Variants in SETD2 observed in about 807,000 individuals in gnomAD.
SETD2 encodes SET domain containing 2, histone lysine methyltransferase.
A neutral mutation model predicts 242.1 loss-of-function variants in SETD2; 31 were observed. The observed-to-expected ratio is 0.13, with a 90% CI of 0.10 to 0.17. The LOEUF is 0.17. Ranked by LOEUF, SETD2 falls within the 10% of genes least tolerant of loss-of-function variation. SETD2 has a pLI of 1.00. For synonymous variants in SETD2, 1,006 were observed against 1,066.5 expected, an observed-to-expected ratio of 0.94 and a Z score of 1.11; for missense variants, 2,481 against 3,046.3, an observed-to-expected ratio of 0.81 and a Z score of 4.37.
intron 12 of SETD2, among the ~76,000 whole-genome samples, chr3:47,077,248 T>C (rs2041124848): frequency 6.6e-6 from 1 of 152,062 alleles, no homozygotes; most frequent in Non-Finnish European, 1.5e-5. Context: ...CGTGCCCGGC[T>C]AATTTTTGTA....
At chr3:47,051,190 G>A (rs2039828221) in intron 15 of SETD2, among the ~76,000 whole-genome samples, 1 of 151,162 alleles carries the variant, frequency 6.6e-6, no homozygotes, top group South Asian at 2.1e-4. Flanking sequence ...CAGCAGCCTT[G>A]ACCTCCTGGG....
intron 5 of SETD2, among the ~76,000 whole-genome samples, chr3:47,113,474 C>A (rs1254604524): frequency 2.0e-5 from 3 of 152,150 alleles, no homozygotes; most frequent in African/African-American, 7.2e-5. Flanking sequence ...ACATAATAAT[C>A]ATCATTAAAC....
At chr3:47,140,332 G>A (rs1317745775) in intron 1 of SETD2, among the ~76,000 whole-genome samples, 1 of 152,110 alleles carries the variant, frequency 6.6e-6, no homozygotes, top group African/African-American at 2.4e-5. Context: ...CCCATAAGTT[G>A]GAACGTTGGG....
chr3:47,118,664 CAA>C (rs78178618), intron 3 of SETD2, among the ~76,000 whole-genome samples: 25 of 85,476 alleles, frequency 2.9e-4, no homozygotes, highest in Admixed American at 3.9e-4. Context: ...GACTCTGTCT[CAA>C]AAAAAAAAAA....
chr3:47,058,456 A>AC (rs1282597876), intron 14 of SETD2, among the ~76,000 whole-genome samples: 3 of 148,660 alleles, frequency 2.0e-5, no homozygotes, highest in Non-Finnish European at 3.0e-5. Flanking sequence ...AAAAAAAAAA[A>AC]AAAAAAAACA....
intron 1 of SETD2, among the ~76,000 whole-genome samples, chr3:47,154,317 G>C (rs1025137357): frequency 1.3e-5 from 2 of 152,058 alleles, no homozygotes; most frequent in Non-Finnish European, 2.9e-5. Context: ...GCTGAGGCAG[G>C]AGAATCGCTT....
chr3:47,032,053 A>T (rs1413812144), intron 18 of SETD2, among the ~76,000 whole-genome samples: 2 of 152,174 alleles, frequency 1.3e-5, no homozygotes, highest in Non-Finnish European at 2.9e-5. Flanking sequence ...GCCCCCTGGA[A>T]AATTCCATGG....
intron 9 of SETD2, among the ~76,000 whole-genome samples, chr3:47,089,471 C>T (rs1436710477): frequency 6.6e-6 from 1 of 152,036 alleles, no homozygotes; most frequent in Non-Finnish European, 1.5e-5. Context: ...AAGTAAGACC[C>T]AAAATGTACA....
At chr3:47,126,801 A>T in intron 1 of SETD2, 138 bp from the exon 2 acceptor site, 1 of 538,188 alleles carries the variant, frequency 1.9e-6, no homozygotes, top group Non-Finnish European at 3.3e-6. Context: ...TGGATTGTCC[A>T]TTCCTTCACA....
intron 16 of SETD2, among the ~76,000 whole-genome samples, chr3:47,046,108 C>T (rs1300026822): frequency 2.0e-5 from 3 of 151,636 alleles, no homozygotes; most frequent in Non-Finnish European, 2.9e-5. Flanking sequence ...GAGGCTGAGG[C>T]GGGTGGATCA....
At chr3:47,083,649 A>C (rs776679918) in intron 12 of SETD2, 71 bp downstream of exon 12, 111 of 1,425,420 alleles carry the variant, frequency 7.8e-5, no homozygotes, top group South Asian at 1.5e-4. Context: ...AAAGTAGTTA[A>C]TTTTGCTTAG....
Position 47,042,719 on chromosome 3 carries a change from C to T in SETD2, c.7099-19G>A, listed in dbSNP as rs2107540286. The T allele has an allele frequency of 1.3e-6, 2 of 1,578,694 alleles. No individual in the cohort carries two copies. The highest frequency in any genetic ancestry group is 1.7e-6 in the Non-Finnish European group (2 of 1,164,126). On this transcript the variant is annotated intron_variant, in intron 16 of 20. Transcript: ENST00000409792. The stretch of plus-strand genomic sequence containing the variant: ...TTTCAGACTACAAAGAAAACACACA[C>T]ATTTTTGATCAGTGATCTCTCTCTT...
At chr3:47,037,039 A>G (rs1032044757) in intron 18 of SETD2, among the ~76,000 whole-genome samples, 3 of 145,206 alleles carry the variant, frequency 2.1e-5, no homozygotes, top group Admixed American at 6.9e-5. Context: ...TGAGTCTCTC[A>G]ATGTCTAAAA....
chr3:47,130,800 A>G (rs1292624477), intron 1 of SETD2, among the ~76,000 whole-genome samples: 5 of 152,198 alleles, frequency 3.3e-5, no homozygotes, highest in Non-Finnish European at 7.3e-5. Context: ...TATGTTAGCC[A>G]GTTATCTGTC....
chr3:47,067,539 C>T (rs1290851396), intron 12 of SETD2, among the ~76,000 whole-genome samples: 1 of 151,514 alleles, frequency 6.6e-6, no homozygotes, highest in Non-Finnish European at 1.5e-5. Context: ...CCCAGCCTCC[C>T]AAGTAGCTGG....
At chr3:47,018,810 T>G (rs1411220124) in intron 19 of SETD2, among the ~76,000 whole-genome samples, 1 of 152,220 alleles carries the variant, frequency 6.6e-6, no homozygotes, top group Non-Finnish European at 1.5e-5. Flanking sequence ...CTCCCATATC[T>G]TGTGCTATAG....
intron 12 of SETD2, among the ~76,000 whole-genome samples, chr3:47,083,266 A>G (rs1178484183): frequency 6.6e-6 from 1 of 152,246 alleles, no homozygotes; most frequent in African/African-American, 2.4e-5. Flanking sequence ...CTAGTTCCAT[A>G]AAGTTGTTTT....
chr3:47,080,216 CTT>C (rs1442045886), intron 12 of SETD2, among the ~76,000 whole-genome samples: 3 of 152,090 alleles, frequency 2.0e-5, no homozygotes, highest in Non-Finnish European at 4.4e-5. Context: ...AAGATAATGT[CTT>C]GAGATAAAGA....
At chr3:47,062,789 AT>A (rs891797350) in intron 13 of SETD2, among the ~76,000 whole-genome samples, 11 of 148,862 alleles carry the variant, frequency 7.4e-5, no homozygotes, top group Admixed American at 1.3e-4. Flanking sequence ...AGAAAAGTTT[AT>A]TTTTTTTTTT....
Sources: gnomAD v4.1 joint callset for allele counts (sites outside exome capture counted in the v4.1 genomes callset) on GRCh38, gnomAD v4.1.1 for gene constraint, MANE v1.5 for transcripts, NCBI Gene and HGNC (gene_info 2026-07-23, HGNC 2026-07-21) for gene names.